RCAN2: variants seen among roughly 807,000 people sequenced by gnomAD.
The protein encoded by RCAN2 is calcipressin-2.
RCAN2 carries 9 observed loss-of-function variants against 23.6 expected under a neutral mutation model. The ratio of observed to expected loss-of-function variants is 0.38; its 90% confidence interval spans 0.23 to 0.67. The LOEUF (loss-of-function observed/expected upper bound fraction) is 0.67. Among genes scored for constraint, RCAN2 ranks in the 30% least tolerant of loss-of-function variants. The pLI is 0.51. For synonymous variants in RCAN2, 109 were observed against 115.7 expected (o/e 0.94, Z 0.37); for missense variants, 273 against 302.3 (o/e 0.90, Z 0.72).
chr6:46,231,943 G>C (rs1161207274), intron 4 of RCAN2, among the ~76,000 whole-genome samples: 1 of 152,160 alleles, frequency 6.6e-6, no homozygotes, highest in Non-Finnish European at 1.5e-5. Flanking sequence ...AATAGAACCA[G>C]CCACAGCCAT....
chr6:46,440,160 A>T (rs1201240312), intron 2 of RCAN2, among the ~76,000 whole-genome samples: 1 of 152,206 alleles, frequency 6.6e-6, no homozygotes, highest in Non-Finnish European at 1.5e-5. Flanking sequence ...TTGAATACAC[A>T]TATCCTCAAA....
chr6:46,479,049 C>A (rs1457363311), intron 1 of RCAN2, among the ~76,000 whole-genome samples: 1 of 152,176 alleles, frequency 6.6e-6, no homozygotes, highest in South Asian at 2.1e-4. Context: ...AGAGTTCCAC[C>A]CAAGGTCAGA....
At chr6:46,235,130 A>T (rs1766047409) in intron 4 of RCAN2, among the ~76,000 whole-genome samples, 1 of 152,262 alleles carries the variant, frequency 6.6e-6, no homozygotes, top group South Asian at 2.1e-4. Flanking sequence ...TGCAAAGTTT[A>T]TAAAAATCAG....
chr6:46,387,585 T>G (rs1195284206), intron 2 of RCAN2, among the ~76,000 whole-genome samples: 1 of 152,096 alleles, frequency 6.6e-6, no homozygotes, highest in Admixed American at 6.5e-5. Flanking sequence ...ATGGTGATCA[T>G]TAAAAAGTCA....
At chr6:46,351,130 G>A (rs1344463765) in intron 2 of RCAN2, among the ~76,000 whole-genome samples, 2 of 152,186 alleles carry the variant, frequency 1.3e-5, no homozygotes, top group Non-Finnish European at 2.9e-5. Context: ...AAAATGCAGA[G>A]GTCAAATAAC....
At chr6:46,408,371 T>A (rs1190941843) in intron 2 of RCAN2, among the ~76,000 whole-genome samples, 1 of 152,094 alleles carries the variant, frequency 6.6e-6, no homozygotes, top group African/African-American at 2.4e-5. Context: ...GCAACACGGG[T>A]TCTCTTTGTC....
chr6:46,472,630 C>T (rs1489520689), intron 1 of RCAN2, among the ~76,000 whole-genome samples: 1 of 152,136 alleles, frequency 6.6e-6, no homozygotes, highest in African/African-American at 2.4e-5. Flanking sequence ...AATTGTGTAG[C>T]TGCCTCTCTT....
chr6:46,407,726 T>G (rs773642531), intron 2 of RCAN2, among the ~76,000 whole-genome samples: 14 of 152,320 alleles, frequency 9.2e-5, no homozygotes, highest in Non-Finnish European at 1.3e-4. Flanking sequence ...TCAGGAAATA[T>G]GTACTTAGGT....
At chr6:46,370,825 C>T (rs560828134) in intron 2 of RCAN2, among the ~76,000 whole-genome samples, 1 of 152,224 alleles carries the variant, frequency 6.6e-6, no homozygotes, top group Non-Finnish European at 1.5e-5. Flanking sequence ...TCCTCAGACC[C>T]ACTGCATAGT....
At chr6:46,408,539 A>G (rs2150406681) in intron 2 of RCAN2, among the ~76,000 whole-genome samples, 1 of 152,310 alleles carries the variant, frequency 6.6e-6, no homozygotes, top group South Asian at 2.1e-4. Context: ...ATGGTGAAAG[A>G]CAGATGCTAG....
intron 2 of RCAN2, among the ~76,000 whole-genome samples, chr6:46,250,948 C>G (rs1223773061): frequency 6.6e-6 from 1 of 152,160 alleles, no homozygotes; most frequent in Non-Finnish European, 1.5e-5. Context: ...TGAGAATCCC[C>G]AGGCTGCAGT....
At chr6:46,320,223 A>C (rs1036231330) in intron 2 of RCAN2, among the ~76,000 whole-genome samples, 3 of 152,216 alleles carry the variant, frequency 2.0e-5, no homozygotes, top group African/African-American at 7.2e-5. Flanking sequence ...AAACTTAAGA[A>C]ATGGGCATGA....
At chr6:46,332,426 A>G (rs1764003983) in intron 2 of RCAN2, among the ~76,000 whole-genome samples, 1 of 151,584 alleles carries the variant, frequency 6.6e-6, no homozygotes, top group Non-Finnish European at 1.5e-5. Flanking sequence ...ATCATTTAGC[A>G]TTAGGTATAT....
chr6:46,254,174 C>A (rs900483961), intron 2 of RCAN2, among the ~76,000 whole-genome samples: 4 of 152,148 alleles, frequency 2.6e-5, no homozygotes, highest in African/African-American at 9.7e-5. Flanking sequence ...GTAAATGATA[C>A]CTTTGTATTA....
At chr6:46,459,603 G>A (rs1768152592) in intron 1 of RCAN2, among the ~76,000 whole-genome samples, 1 of 152,184 alleles carries the variant, frequency 6.6e-6, no homozygotes, top group Admixed American at 6.5e-5. Context: ...TACTTTAGAA[G>A]TCAGAGCTTT....
intron 2 of RCAN2, among the ~76,000 whole-genome samples, chr6:46,256,934 C>A (rs1379165671): frequency 6.6e-6 from 1 of 152,094 alleles, no homozygotes; most frequent in Non-Finnish European, 1.5e-5. Context: ...GATAGAGTAA[C>A]CCTCATCAGT....
At chr6:46,336,521 C>G (rs1327015346) in intron 2 of RCAN2, among the ~76,000 whole-genome samples, 2 of 152,008 alleles carry the variant, frequency 1.3e-5, no homozygotes, top group African/African-American at 2.4e-5. Flanking sequence ...GCCTTGTAGG[C>G]AAGGATAGGG....
At chr6:46,484,334 G>A (rs1213243306) in intron 1 of RCAN2, among the ~76,000 whole-genome samples, 4 of 152,116 alleles carry the variant, frequency 2.6e-5, no homozygotes, top group Non-Finnish European at 5.9e-5. Context: ...AGATTCCAAC[G>A]GTTATCTTAG....
chr6:46,306,656 G>A (rs1418700889), intron 2 of RCAN2, among the ~76,000 whole-genome samples: 1 of 152,106 alleles, frequency 6.6e-6, no homozygotes, highest in Non-Finnish European at 1.5e-5. Context: ...TCTCACTAGA[G>A]TATGTATGAG....
Sources: allele counts gnomAD v4.1 joint callset (sites outside exome capture counted in the v4.1 genomes callset), GRCh38; gene constraint gnomAD v4.1.1; transcripts MANE v1.5; gene names NCBI Gene and HGNC (gene_info 2026-07-23, HGNC 2026-07-21).